MAGI2: variants seen among roughly 807,000 people sequenced by gnomAD.
The protein encoded by MAGI2 is membrane associated guanylate kinase, WW and PDZ domain containing 2.
Under a neutral mutation model 133.3 loss-of-function variants are expected in MAGI2, and 35 were observed. The observed-to-expected ratio is 0.26, with a 90% confidence interval of 0.20 to 0.35. The LOEUF (loss-of-function observed/expected upper bound fraction) is 0.35, where lower values mean the gene tolerates loss of function less well. Ranked by LOEUF, MAGI2 falls within the 10% of genes least tolerant of loss-of-function variation. MAGI2 has a pLI of 1.00. For synonymous variants in MAGI2, 729 were observed against 710.6 expected (o/e 1.03, Z -0.41); for missense variants, 1,636 against 1,863.4 (o/e 0.88, Z 2.25).
chr7:78,539,310 T>C (rs1251390710), intron 3 of MAGI2, among the ~76,000 whole-genome samples: 1 of 152,202 alleles, frequency 6.6e-6, no homozygotes, highest in East Asian at 1.9e-4. Context: ...ATGTGGTGTA[T>C]CAAATTTATT....
intron 9 of MAGI2, among the ~76,000 whole-genome samples, chr7:78,314,277 G>A (rs1352883330): frequency 1.3e-5 from 2 of 152,116 alleles, no homozygotes; most frequent in African/African-American, 4.8e-5. Context: ...TGCAGATTAA[G>A]TATTTATTAA....
chr7:78,022,925 A>G (rs571453044), intron 21 of MAGI2, among the ~76,000 whole-genome samples: 1 of 152,374 alleles, frequency 6.6e-6, no homozygotes, highest in East Asian at 1.9e-4. Flanking sequence ...GAAACTAAAA[A>G]CTAAAATGTT....
intron 1 of MAGI2, among the ~76,000 whole-genome samples, chr7:79,145,052 G>A (rs1433470399): frequency 2.6e-5 from 4 of 152,034 alleles, no homozygotes; most frequent in Non-Finnish European, 4.4e-5. Context: ...GGGTTGACAA[G>A]GTTCTTCTTC....
At chr7:78,927,463 A>G (rs552694078) in intron 2 of MAGI2, among the ~76,000 whole-genome samples, 1 of 152,094 alleles carries the variant, frequency 6.6e-6, no homozygotes, top group South Asian at 2.1e-4. Flanking sequence ...ATCCAAATTC[A>G]GTGAACGTCA....
intron 1 of MAGI2, among the ~76,000 whole-genome samples, chr7:79,216,989 T>C (rs1021455490): frequency 6.6e-5 from 10 of 152,124 alleles, no homozygotes; most frequent in African/African-American, 2.2e-4. Flanking sequence ...TCATTGTTAA[T>C]TGACAAATAA....
At chr7:78,916,004 C>T (rs535040524) in intron 2 of MAGI2, among the ~76,000 whole-genome samples, 9 of 152,030 alleles carry the variant, frequency 5.9e-5, no homozygotes, top group South Asian at 2.1e-4. Context: ...TTGTAACATA[C>T]GTTTTTATAT....
intron 2 of MAGI2, among the ~76,000 whole-genome samples, chr7:78,746,634 T>G (rs889354219): frequency 5.3e-5 from 8 of 152,172 alleles, no homozygotes; most frequent in Admixed American, 2.0e-4. Flanking sequence ...CAACCTACAT[T>G]TCATAGCTGT....
chr7:78,057,909 C>T (rs1256717727), intron 21 of MAGI2, among the ~76,000 whole-genome samples: 2 of 140,616 alleles, frequency 1.4e-5, no homozygotes, highest in African/African-American at 2.7e-5. Flanking sequence ...ATGGAAAAGG[C>T]CAACTGAACA....
intron 7 of MAGI2, chr7:78,348,429 C>T (rs970242962): frequency 6.6e-6 from 1 of 152,062 alleles, no homozygotes; most frequent in African/African-American, 2.4e-5. Context: ...TTTTGAGGTA[C>T]AGTTATTTCT....
At chr7:78,992,906 C>G (rs1238329679) in intron 2 of MAGI2, among the ~76,000 whole-genome samples, 2 of 151,992 alleles carry the variant, frequency 1.3e-5, no homozygotes, top group African/African-American at 4.8e-5. Flanking sequence ...ATAATATATT[C>G]AACTTCTCAT....
At chr7:78,837,667 GT>G (rs1368358770) in intron 2 of MAGI2, among the ~76,000 whole-genome samples, 1 of 152,110 alleles carries the variant, frequency 6.6e-6, no homozygotes, top group Non-Finnish European at 1.5e-5. Flanking sequence ...TTGGCAGCTG[GT>G]TGGGTAATAT....
intron 1 of MAGI2, among the ~76,000 whole-genome samples, chr7:79,147,688 C>G (rs1822780727): frequency 6.6e-6 from 1 of 152,226 alleles, no homozygotes; most frequent in African/African-American, 2.4e-5. Context: ...TTCACATCTT[C>G]TCTCTCTGCC....
At chr7:78,691,658 A>G (rs1052131930) in intron 2 of MAGI2, among the ~76,000 whole-genome samples, 1 of 152,158 alleles carries the variant, frequency 6.6e-6, no homozygotes, top group African/African-American at 2.4e-5. Flanking sequence ...TTTAGTGAAA[A>G]ACTAGAGAAA....
In MAGI2 at chr7:79,270,307, T is replaced by C. The variant is rs757916485; in HGVS notation, c.301+182713A>G. 1.2e-4 allele frequency among the ~76,000 whole-genome samples: 19 copies of C among 152,216 alleles called. 1 individual carries two copies. Among genetic ancestry groups the C allele is most frequent in the Middle Eastern group, 3.4e-3 (1 of 294 alleles). On this transcript the variant is annotated intron_variant, in intron 1 of 21. Transcript: ENST00000354212. ...CATGGCCAGCCTTGAGTCAAACTCC[T>C]TTACTGCAATGCCACAGTCTCAGTG...
chr7:78,028,222 G>A (rs888901851), intron 21 of MAGI2, among the ~76,000 whole-genome samples: 1 of 152,122 alleles, frequency 6.6e-6, no homozygotes, highest in African/African-American at 2.4e-5. Flanking sequence ...TCCAAGTATG[G>A]AGCCATCGTT....
In MAGI2 at chr7:79,403,435, T is replaced by C. The variant is rs1229921653; in HGVS notation, c.301+49585A>G. Among the ~76,000 whole-genome samples, 3 of 151,254 alleles carry C rather than the reference T, an allele frequency of 2.0e-5. No homozygotes were observed. The East Asian group carries it at 5.8e-4, about 29-fold the overall frequency. On this transcript the variant is annotated intron_variant, in intron 1 of 21. Coordinates refer to ENST00000354212, the MANE Select transcript of MAGI2 (RefSeq NM_012301.4). ...AGACATCTTGGAAAACCTTTCTTGC[T>C]TTTTTTTTAAAAAAGAAAACTTGAT...
intron 6 of MAGI2, among the ~76,000 whole-genome samples, chr7:78,449,031 T>C (rs755269619): frequency 1.3e-5 from 2 of 152,100 alleles, no homozygotes; most frequent in African/African-American, 2.4e-5. Flanking sequence ...CTCAATCTGA[T>C]GGTTACTAGG....
intron 3 of MAGI2, among the ~76,000 whole-genome samples, chr7:78,560,651 A>C (rs1258663039): frequency 6.6e-6 from 1 of 152,224 alleles, no homozygotes; most frequent in African/African-American, 2.4e-5. Context: ...ATCAACAATA[A>C]TATACAACTA....
intron 20 of MAGI2, among the ~76,000 whole-genome samples, chr7:78,121,115 ATACT>A (rs146994853): frequency 0.096 from 14,539 of 151,626 alleles, 759 homozygotes; most frequent in African/African-American, 0.11. Context: ...AGGTGATTAA[ATACT>A]TAGATATAAA....
Sources: gnomAD v4.1 joint callset for allele counts (sites outside exome capture counted in the v4.1 genomes callset) on GRCh38, gnomAD v4.1.1 for gene constraint, MANE v1.5 for transcripts, NCBI Gene and HGNC (gene_info 2026-07-23, HGNC 2026-07-21) for gene names.